Variants in PGAP4 observed in about 807,000 individuals in gnomAD.
PGAP4 encodes the protein post-GPI attachment to proteins GalNAc transferase 4.
PGAP4 carries 12 observed loss-of-function variants against 28.2 expected under a neutral mutation model. The ratio of observed to expected loss-of-function variants is 0.42; its 90% CI spans 0.27 to 0.69. The LOEUF is 0.69. Ranked by LOEUF, PGAP4 falls within the 30% of genes least tolerant of loss-of-function variation. The pLI is 0.22. For missense variants in PGAP4, 425 were observed against 513.5 expected, an observed-to-expected ratio of 0.83 and a Z score of 1.67; for synonymous variants, 205 against 211.8, an observed-to-expected ratio of 0.97 and a Z score of 0.28.
intron 2 of PGAP4, among the ~76,000 whole-genome samples, chr9:101,509,699 T>C (rs1219031501): frequency 6.6e-6 from 1 of 152,130 alleles, no homozygotes; most frequent in Non-Finnish European, 1.5e-5. Context: ...TCAGGTGATG[T>C]TTCTCAGCTT....
intron 2 of PGAP4, among the ~76,000 whole-genome samples, chr9:101,520,610 C>T (rs1201405355): frequency 1.3e-5 from 2 of 152,138 alleles, no homozygotes; most frequent in Non-Finnish European, 2.9e-5. Flanking sequence ...GTTCTAGGAG[C>T]TTTCTGGAGA....
At chr9:101,512,637 T>A (rs891058686) in intron 2 of PGAP4, among the ~76,000 whole-genome samples, 1 of 152,168 alleles carries the variant, frequency 6.6e-6, no homozygotes, top group African/African-American at 2.4e-5. Context: ...TGATTCATGA[T>A]ATGCTTTTAT....
At chr9:101,503,715 G>A (rs369777235) in intron 2 of PGAP4, among the ~76,000 whole-genome samples, 4 of 151,832 alleles carry the variant, frequency 2.6e-5, no homozygotes, top group African/African-American at 9.7e-5. Flanking sequence ...AAAAAGTCCT[G>A]GGAAGACAAG....
At chr9:101,484,298 G>A (rs1826560514) in intron 1 of PGAP4, among the ~76,000 whole-genome samples, 1 of 151,980 alleles carries the variant, frequency 6.6e-6, no homozygotes, top group Admixed American at 6.6e-5. Context: ...AGGGTGGGAG[G>A]GTGGAAGGAA....
In PGAP4 at chr9:101,475,406, G is replaced by A. The variant is rs1826268447; in HGVS notation, c.*475C>T. On this transcript the variant is annotated 3_prime_UTR_variant, in exon 2 of 2. Coordinates refer to ENST00000374848, the MANE Select transcript of PGAP4 (RefSeq NM_032342.3). ...GAAACAAATGGAATCTATCCACATGGTCCTGCCTCGTTGGGCATATATTCT... is the reference window on the plus strand; with the variant it reads ...GAAACAAATGGAATCTATCCACATGATCCTGCCTCGTTGGGCATATATTCT... The A allele has an allele frequency of 5.8e-6, 1 of 171,266 alleles. No individual in the cohort carries two copies. Among genetic ancestry groups the A allele is most frequent in the Non-Finnish European group, 1.3e-5 (1 of 77,886 alleles). 10.6% of individuals were successfully genotyped at this position (171,266 alleles called of 1,614,324 possible). A position where few individuals can be genotyped will look rare whatever the true frequency, so the allele number is the denominator to read the frequency against.
At chr9:101,524,165 G>A (rs1447520575) in intron 2 of PGAP4, among the ~76,000 whole-genome samples, 3 of 151,250 alleles carry the variant, frequency 2.0e-5, no homozygotes, top group African/African-American at 2.4e-5. Context: ...AATGGACTCC[G>A]TGAGGGTCCT....
Position 101,473,232 on chromosome 9 carries a change from G to C in PGAP4, c.*2649C>G, listed in dbSNP as rs771489348. Reference sequence around the variant, plus strand: ...GTCTATGCAATACACTCAGTCACAAGAGAGAGCTTCTTAAGCCTGACCATA... The same window carrying C: ...GTCTATGCAATACACTCAGTCACAACAGAGAGCTTCTTAAGCCTGACCATA... On this transcript the variant is annotated 3_prime_UTR_variant, in exon 2 of 2. Transcript: ENST00000374848. The C allele has an allele frequency of 2.0e-5, 3 of 152,224 alleles. No homozygotes were observed. Among genetic ancestry groups the C allele is most frequent in the Non-Finnish European group, 4.4e-5 (3 of 68,042 alleles). The allele number at this position is 152,224 out of a possible 1,614,324, so 9.4% of individuals were successfully genotyped here.
intron 2 of PGAP4, among the ~76,000 whole-genome samples, chr9:101,530,281 C>T (rs1165285560): frequency 2.0e-5 from 3 of 152,154 alleles, no homozygotes; most frequent in African/African-American, 4.8e-5. Context: ...GGTAAAGAGG[C>T]GTGTCGCCTT....
At chr9:101,528,767 G>A (rs945177225) in intron 2 of PGAP4, among the ~76,000 whole-genome samples, 2 of 149,928 alleles carry the variant, frequency 1.3e-5, no homozygotes, top group Admixed American at 1.3e-4. Flanking sequence ...AAGACCAATT[G>A]TATGATTGTA....
intron 2 of PGAP4, among the ~76,000 whole-genome samples, chr9:101,493,055 C>A (rs1040928308): frequency 3.5e-4 from 53 of 151,906 alleles, no homozygotes; most frequent in Admixed American, 5.9e-4. Flanking sequence ...GAGATCGAGA[C>A]CATCCTGGCC....
intron 2 of PGAP4, among the ~76,000 whole-genome samples, chr9:101,492,728 C>T (rs1826702088): frequency 1.3e-5 from 2 of 152,070 alleles, no homozygotes; most frequent in Non-Finnish European, 2.9e-5. Context: ...ATTTTTTAGA[C>T]TGTCCCCCTA....
At chr9:101,504,205 G>GTTGTTTTTTT (rs1826828664) in intron 2 of PGAP4, among the ~76,000 whole-genome samples, 1 of 34,550 alleles carries the variant, frequency 2.9e-5, no homozygotes, top group African/African-American at 1.0e-4. Context: ...GTGTGTGTGT[G>GTTGTTTTTTT]TTTGTTTTTT....
intron 2 of PGAP4, among the ~76,000 whole-genome samples, chr9:101,518,590 C>T (rs1032879586): frequency 6.6e-6 from 1 of 152,190 alleles, no homozygotes; most frequent in Non-Finnish European, 1.5e-5. Context: ...TCCTGAGTTA[C>T]TTCACTTAGA....
At chr9:101,498,623 C>T (rs1029431846) in intron 2 of PGAP4, among the ~76,000 whole-genome samples, 3 of 151,640 alleles carry the variant, frequency 2.0e-5, no homozygotes, top group African/African-American at 7.3e-5. Flanking sequence ...AGACATAGAA[C>T]TTAAAATACT....
rs148833384 is a variant in PGAP4, at chr9:101,506,868, TC to T, written c.-164-17669del. 4.5e-3 allele frequency among the ~76,000 whole-genome samples: 689 copies of T among 152,200 alleles called. 5 individuals are homozygous for T. Among genetic ancestry groups the T allele is most frequent in the African/African-American group, 0.015 (634 of 41,542 alleles). ...ACCAATCCTTGTAACTCCCCAGTCT[TC>T]CCTGTAAAAACCTAACAGCCAAAGG... On this transcript the variant is annotated intron_variant, in intron 2 of 3. Transcript: ENST00000374851.
At chr9:101,491,711 T>G (rs1351914130), upstream of PGAP4, among the ~76,000 whole-genome samples, 3 of 149,104 alleles carry the variant, frequency 2.0e-5, no homozygotes, top group Non-Finnish European at 4.4e-5. Context: ...ATTTTATTCT[T>G]TTAATATATA....
chr9:101,523,222 T>C (rs1429585710), intron 2 of PGAP4, among the ~76,000 whole-genome samples: 1 of 152,184 alleles, frequency 6.6e-6, no homozygotes, highest in Non-Finnish European at 1.5e-5. Context: ...GAGTGTTCTT[T>C]GTGCTTCTTG....
rs112109677 is a variant in PGAP4 at position 101,497,630 on chromosome 9, G to A, written c.-164-8430C>T. Among the ~76,000 whole-genome samples, 77 of 151,540 alleles carry A rather than the reference G, an allele frequency of 5.1e-4. 2 individuals carry two copies. The highest frequency in any genetic ancestry group is 1.7e-3 in the African/African-American group (69 of 41,466). On this transcript the variant is annotated intron_variant, in intron 2 of 3. Coordinates refer to the PGAP4 transcript ENST00000374851. Reference sequence around the variant, plus strand: ...AGTTGTCTGACCAGTAAACCCAGGCGAAAATGTATGTTGACAATTTTGAAG... The same window carrying A: ...AGTTGTCTGACCAGTAAACCCAGGCAAAAATGTATGTTGACAATTTTGAAG...
intron 2 of PGAP4, among the ~76,000 whole-genome samples, chr9:101,499,156 G>A (rs574064650): frequency 4.6e-5 from 7 of 151,964 alleles, no homozygotes; most frequent in Non-Finnish European, 8.8e-5. Context: ...GCCCAGAAGC[G>A]ATGTAAGATT....
Sources: gnomAD v4.1 joint callset for allele counts (sites outside exome capture counted in the v4.1 genomes callset) on GRCh38, gnomAD v4.1.1 for gene constraint, MANE v1.5 for transcripts, NCBI Gene and HGNC (gene_info 2026-07-23, HGNC 2026-07-21) for gene names.